Variants in CFAP58 observed in about 807,000 individuals in gnomAD.
CFAP58 encodes cilia and flagella associated protein 58.
CFAP58 carries 88 observed loss-of-function variants against 119.5 expected under a neutral mutation model. That is an observed-to-expected ratio of 0.74 (90% CI 0.62 to 0.88). CFAP58 has a LOEUF of 0.88. Among genes scored for constraint, CFAP58 ranks in the 40% least tolerant of loss-of-function variants. The pLI is 0.00. For missense variants in CFAP58, 990 were observed against 1,021.2 expected (o/e 0.97, Z 0.42); for synonymous variants, 365 against 366.3 (o/e 1.00, Z 0.04).
At chr10:104,420,144 G>A (rs959153647) in intron 15 of CFAP58, among the ~76,000 whole-genome samples, 7 of 146,036 alleles carry the variant, frequency 4.8e-5, no homozygotes, top group Non-Finnish European at 7.5e-5. Context: ...TTTTTTTTAC[G>A]ATTGTGTTCA....
In CFAP58 at chr10:104,438,325, TG is replaced by T. The variant is rs1295459737; in HGVS notation, c.2257-9372del. The stretch of plus-strand genomic sequence containing the variant: ...TATGCAAATCAATGGGAATTTTTAT[TG>T]TTTTTTTGTTTTTTGTTTTTTGTTT... On this transcript the variant is annotated intron_variant, in intron 15 of 17. Transcript: ENST00000369704. 1.7e-4 allele frequency among the ~76,000 whole-genome samples: 25 copies of T among 146,276 alleles called. No homozygotes were observed. The South Asian group carries it at 4.3e-3, about 25-fold the overall frequency.
At chr10:104,446,551 C>G (rs1220041173) in intron 15 of CFAP58, among the ~76,000 whole-genome samples, 1 of 152,132 alleles carries the variant, frequency 6.6e-6, no homozygotes, top group Non-Finnish European at 1.5e-5. Context: ...TATTTGATAA[C>G]AATACTAAGA....
chr10:104,391,056 A>C (rs1033951191), intron 9 of CFAP58, among the ~76,000 whole-genome samples: 1 of 152,194 alleles, frequency 6.6e-6, no homozygotes, highest in Non-Finnish European at 1.5e-5. Flanking sequence ...AAAGAATAGA[A>C]CCAGACTTCT....
At chr10:104,342,316 A>C in the CFAP58 span, among the ~76,000 whole-genome samples, 38,300 of 151,950 alleles carry the variant, frequency 0.25, 4,983 homozygotes, top group Middle Eastern at 0.3. Flanking sequence ...GGTGAAAAAA[A>C]CCCCTAATCT....
intron 15 of CFAP58, among the ~76,000 whole-genome samples, chr10:104,435,252 C>A (rs564761817): frequency 2.0e-5 from 3 of 152,334 alleles, no homozygotes; most frequent in East Asian, 3.9e-4. Flanking sequence ...GAGGCCGAGG[C>A]GGGCAGATCA....
intron 15 of CFAP58, among the ~76,000 whole-genome samples, chr10:104,412,247 G>C (rs1167386808): frequency 6.6e-6 from 1 of 152,042 alleles, no homozygotes; most frequent in Non-Finnish European, 1.5e-5. Flanking sequence ...GACAATAATA[G>C]TACCCATAGA....
At chr10:104,394,030 T>A in intron 11 of CFAP58, among the ~76,000 whole-genome samples, 1 of 152,204 alleles carries the variant, frequency 6.6e-6, no homozygotes, top group East Asian at 1.9e-4. Context: ...TCTAAGAACT[T>A]TGCAGCTGCT....
intron 6 of CFAP58, 78 bp downstream of exon 6, chr10:104,368,638 T>C (rs2014783118): frequency 2.6e-6 from 4 of 1,510,646 alleles, no homozygotes; most frequent in Middle Eastern, 3.5e-4. Flanking sequence ...GAGCCCTCAG[T>C]TGGAGAGCCT....
In CFAP58 at chr10:104,433,233, G is replaced by A. The variant is rs115033887; in HGVS notation, c.2257-14465G>A. On this transcript the variant is annotated intron_variant, in intron 15 of 17. Coordinates refer to ENST00000369704, the MANE Select transcript of CFAP58 (RefSeq NM_001008723.2). ...CTCAGCCTCCTGAGTAGCTACGATT[G>A]TAGGCATGTGCCACAGCATGTGCCT... 6.6e-3 allele frequency among the ~76,000 whole-genome samples: 1,002 copies of A among 152,270 alleles called. 15 individuals carry two copies. The highest frequency in any genetic ancestry group is 0.022 in the African/African-American group (917 of 41,562).
the CFAP58 span, among the ~76,000 whole-genome samples, chr10:104,341,722 A>C: frequency 6.6e-6 from 1 of 151,994 alleles, no homozygotes; most frequent in Non-Finnish European, 1.5e-5. Context: ...CCAGCAGCAC[A>C]CCAAAGAATA....
chr10:104,357,928 T>TATACACAC, intron 1 of CFAP58, among the ~76,000 whole-genome samples: 1 of 118,984 alleles, frequency 8.4e-6, no homozygotes, highest in East Asian at 2.2e-4. Context: ...TATGTACACA[T>TATACACAC]ATACACACAT....
intron 5 of CFAP58, among the ~76,000 whole-genome samples, chr10:104,367,713 C>A (rs188618131): frequency 1.3e-5 from 2 of 152,292 alleles, no homozygotes; most frequent in East Asian, 3.9e-4. Context: ...GGAGACATTA[C>A]CTAAACTGGC....
chr10:104,373,084 C>T (rs2014845316), intron 7 of CFAP58, among the ~76,000 whole-genome samples: 5 of 151,220 alleles, frequency 3.3e-5, no homozygotes, highest in Admixed American at 3.3e-4. Context: ...TTTTTTCATA[C>T]CAAAAAAATC....
chr10:104,423,057 CT>C (rs1358974236), intron 15 of CFAP58, among the ~76,000 whole-genome samples: 1 of 152,188 alleles, frequency 6.6e-6, no homozygotes, highest in African/African-American at 2.4e-5. Context: ...ATGCTGGCAT[CT>C]TGTCGCTACC....
chr10:104,425,499 A>G (rs2012729641), intron 15 of CFAP58, among the ~76,000 whole-genome samples: 1 of 152,208 alleles, frequency 6.6e-6, no homozygotes, highest in East Asian at 1.9e-4. Flanking sequence ...TAACTCCCAT[A>G]GCCGCAGCTA....
intron 15 of CFAP58, among the ~76,000 whole-genome samples, chr10:104,429,926 C>G (rs1315498637): frequency 6.6e-6 from 1 of 151,798 alleles, no homozygotes; most frequent in Non-Finnish European, 1.5e-5. Flanking sequence ...GGTTCTGGCT[C>G]TCTCACTGAC....
intron 15 of CFAP58, among the ~76,000 whole-genome samples, chr10:104,431,361 A>G (rs920388921): frequency 2.0e-5 from 3 of 152,242 alleles, no homozygotes; most frequent in African/African-American, 7.2e-5. Context: ...AAACATAGAC[A>G]TAGTGTTATG....
chr10:104,450,298 G>A (rs2013174347), intron 17 of CFAP58, 94 bp downstream of exon 17: 2 of 1,283,532 alleles, frequency 1.6e-6, no homozygotes, highest in Admixed American at 1.9e-5. Flanking sequence ...AAGTTTCACT[G>A]GGGTAAACTA....
chr10:104,363,703 T>C (rs1367063357), intron 3 of CFAP58, among the ~76,000 whole-genome samples: 1 of 152,262 alleles, frequency 6.6e-6, no homozygotes, highest in Non-Finnish European at 1.5e-5. Context: ...TGAGGTTTTA[T>C]TTCTGGAGTA....
Sources: allele counts gnomAD v4.1 joint callset (sites outside exome capture counted in the v4.1 genomes callset), GRCh38; gene constraint gnomAD v4.1.1; transcripts MANE v1.5; gene names NCBI Gene and HGNC (gene_info 2026-07-23, HGNC 2026-07-21).